The following BAG3 variants were observed in gnomAD, a reference collection of about 807,000 sequenced individuals.
The protein encoded by BAG3 is BAG cochaperone 3.
BAG3 carries 14 observed loss-of-function variants against 40.5 expected under a neutral mutation model. The ratio of observed to expected loss-of-function variants is 0.35; its 90% CI spans 0.23 to 0.54. The LOEUF (loss-of-function observed/expected upper bound fraction) is 0.54, where lower values mean the gene tolerates loss of function less well. BAG3 is among the 20% of genes least tolerant of loss of function. The pLI is 0.91. For missense variants in BAG3, 788 were observed against 758.6 expected (o/e 1.04, Z -0.46); for synonymous variants, 302 against 307.8 (o/e 0.98, Z 0.20).
intron 1 of BAG3, chr10:119,656,488 C>G (rs1846913440): frequency 6.7e-6 from 1 of 148,786 alleles, no homozygotes; most frequent in Non-Finnish European, 1.5e-5. Context: ...TCAAGCGATT[C>G]TCCTGCCTCA....
Position 119,651,442 on chromosome 10 carries a change from T to C in BAG3, c.-234T>C. The stretch of plus-strand genomic sequence containing the variant: ...GGACCAGAAGTTTCTAGCCGGCCAG[T>C]TGCTACCTCCCTTTATCTCCTCCTT... On this transcript the variant is annotated 5_prime_UTR_variant, in exon 1 of 4. Coordinates refer to ENST00000369085, the MANE Select transcript of BAG3 (RefSeq NM_004281.4). 1 of 408,664 alleles carries C rather than the reference T, an allele frequency of 2.4e-6. No homozygotes were observed. The highest frequency in any genetic ancestry group is 4.1e-5 in the East Asian group (1 of 24,262). The allele number at this position is 408,664 out of a possible 1,614,324, so 25.3% of individuals were successfully genotyped here. A position where few individuals can be genotyped will look rare whatever the true frequency, so the allele number is the denominator to read the frequency against.
chr10:119,664,003 C>T (rs1847026116), intron 1 of BAG3, among the ~76,000 whole-genome samples: 1 of 152,240 alleles, frequency 6.6e-6, no homozygotes, highest in Admixed American at 6.5e-5. Context: ...GCTGAGAAAA[C>T]GAAAGTTCAC....
chr10:119,659,980 T>C (rs897745372), intron 1 of BAG3, among the ~76,000 whole-genome samples: 7 of 152,152 alleles, frequency 4.6e-5, no homozygotes, highest in Non-Finnish European at 4.4e-5. Flanking sequence ...GCTAACTTCA[T>C]GTGACCTTGG....
Position 119,677,257 on chromosome 10 carries a change from C to A in BAG3, c.1703C>A (p.Thr568Asn). 4 of 1,614,092 alleles carry A rather than the reference C, an allele frequency of 2.5e-6. No homozygotes were observed. Among genetic ancestry groups the A allele is most frequent in the Non-Finnish European group, 3.4e-6 (4 of 1,180,040 alleles). Residue 568 changes from threonine (T) to asparagine (N), a missense_variant, in exon 4 of 4, where the codon ACC becomes AAC. Thr to Asn is a moderately conservative substitution (Grantham distance 65). Transcript: ENST00000369085. ...ATSNPSSMTD[T>N]PGNPAAP ...TCAAACCCCAGCAGCATGACAGACA[C>A]CCCTGGTAACCCAGCAGCACCGTAG... is the stretch of plus-strand genomic sequence containing the variant.
At chr10:119,654,004 A>T (rs73351946) in intron 1 of BAG3, among the ~76,000 whole-genome samples, 3,451 of 152,296 alleles carry the variant, frequency 0.023, 146 homozygotes, top group African/African-American at 0.08. Flanking sequence ...AGTTCCCTTT[A>T]CCAAGTGAAT....
At position 119,672,693 on chromosome 10, in the gene BAG3, G is replaced by T; in HGVS notation, c.909+37G>T. 1 of 1,606,852 alleles carries T rather than the reference G, an allele frequency of 6.2e-7. No homozygotes were observed. The highest frequency in any genetic ancestry group is 1.1e-5 in the South Asian group (1 of 91,022). On this transcript the variant is annotated intron_variant, in intron 3 of 3. Transcript: ENST00000369085. The surrounding 1 kb of genome is among the most constrained non-coding windows in gnomAD (Gnocchi z 4.8). ...TAGTCGTCAGCAGACTGGTTATGGT[G>T]GTATGTCTCCAGGGGTGCAGGAGCT...
chr10:119,669,528 T>C (rs1250855758), intron 1 of BAG3, among the ~76,000 whole-genome samples: 3 of 152,200 alleles, frequency 2.0e-5, no homozygotes, highest in East Asian at 1.9e-4. Context: ...AATGCGGGCA[T>C]GGGCAGCTCT....
At chr10:119,661,166 A>G (rs1407425143) in intron 1 of BAG3, among the ~76,000 whole-genome samples, 22 of 152,186 alleles carry the variant, frequency 1.4e-4, no homozygotes. Flanking sequence ...AGGCTGAGGC[A>G]TGAGAATTGC....
rs963964101 is a variant in BAG3 at position 119,651,521 on chromosome 10, C to T, written c.-155C>T. The T allele has an allele frequency of 6.6e-6, 4 of 610,598 alleles. No individual in the cohort carries two copies. Among genetic ancestry groups the T allele is most frequent in the Non-Finnish European group, 1.0e-5 (4 of 400,028 alleles). The allele number at this position is 610,598 out of a possible 1,614,324, so 37.8% of individuals were successfully genotyped here. ...AGACACTTCCACCCCTCTCTGGCCACGTCACCCCCGCCTTTAATTCATAAA... is the reference window on the plus strand; with the variant it reads ...AGACACTTCCACCCCTCTCTGGCCATGTCACCCCCGCCTTTAATTCATAAA... On this transcript the variant is annotated 5_prime_UTR_variant, in exon 1 of 4. In the 5' UTR this introduces an upstream ATG that the reference lacks. Transcript: ENST00000369085.
At chr10:119,656,998 G>C (rs566353483) in intron 1 of BAG3, among the ~76,000 whole-genome samples, 1 of 152,234 alleles carries the variant, frequency 6.6e-6, no homozygotes, top group East Asian at 1.9e-4. Flanking sequence ...AGACAGACTT[G>C]CCTTTAGCGG....
chr10:119,657,688 G>T (rs1384525630), intron 1 of BAG3: 1 of 457,844 alleles, frequency 2.2e-6, no homozygotes, highest in African/African-American at 2.0e-5. Context: ...CTGCACAAAG[G>T]ACTTCAGTAT....
chr10:119,667,268 T>C (rs1836282657), intron 1 of BAG3, among the ~76,000 whole-genome samples: 1 of 152,190 alleles, frequency 6.6e-6, no homozygotes, highest in South Asian at 2.1e-4. Context: ...TGAGCCACCG[T>C]GCCTGGCCCT....
rs2134050513 is a variant in BAG3, at chr10:119,651,727, G to A, written c.52G>A (p.Asp18Asn). 2.5e-6 allele frequency: 4 copies of A among 1,596,576 alleles called. No homozygotes were observed. Among genetic ancestry groups the A allele is most frequent in the Non-Finnish European group, 3.4e-6 (4 of 1,172,290 alleles). The change falls in exon 1 of 4, where the codon GAC becomes AAC. Residue 18 changes from aspartate (D) to asparagine (N), a missense_variant. By Grantham distance (23) the Asp-to-Asn change is conservative. Coordinates refer to ENST00000369085, the MANE Select transcript of BAG3 (RefSeq NM_004281.4). ...GATGCAGGTGGCGTCCGGCAACGGTGACCGCGACCCTTTGCCCCCCGGATG... is the reference window on the plus strand; with the variant it reads ...GATGCAGGTGGCGTCCGGCAACGGTAACCGCGACCCTTTGCCCCCCGGATG... Reference protein sequence around the residue: ...PMMQVASGNGDRDPLPPGWEI... With the variant: ...PMMQVASGNGNRDPLPPGWEI...
Position 119,672,769 on chromosome 10 carries a change from T to C in BAG3, c.909+113T>C. Reference sequence around the variant, plus strand: ...CATCCCTGCCTATTTAACATGCGTGTACCTACAGGCAAGTGAGATTCGAGA... The same window carrying C: ...CATCCCTGCCTATTTAACATGCGTGCACCTACAGGCAAGTGAGATTCGAGA... On this transcript the variant is annotated intron_variant, in intron 3 of 3. Coordinates refer to ENST00000369085, the MANE Select transcript of BAG3 (RefSeq NM_004281.4). The surrounding 1 kb of genome is among the most constrained non-coding windows in gnomAD (Gnocchi z 4.8). 1 of 1,446,262 alleles carries C rather than the reference T, an allele frequency of 6.9e-7. No individual in the cohort carries two copies. The highest frequency in any genetic ancestry group is 9.5e-7 in the Non-Finnish European group (1 of 1,051,862). 89.6% of individuals were successfully genotyped at this position (1,446,262 alleles called of 1,614,324 possible).
At chr10:119,675,761 T>TTCCCTCCTTCCC (rs1554877574) in intron 3 of BAG3, among the ~76,000 whole-genome samples, 4 of 81,198 alleles carry the variant, frequency 4.9e-5, no homozygotes, top group South Asian at 5.5e-4. Context: ...CTTTCCTTCC[T>TTCCCTCCTTCCC]TCCTTCCCTC....
intron 1 of BAG3, among the ~76,000 whole-genome samples, chr10:119,661,549 G>A (rs1184674466): frequency 6.6e-6 from 1 of 152,144 alleles, no homozygotes; most frequent in African/African-American, 2.4e-5. Flanking sequence ...GCAAAGAGAA[G>A]CAATGTTGGT....
At chr10:119,664,701 G>T (rs2134059609) in intron 1 of BAG3, among the ~76,000 whole-genome samples, 1 of 152,316 alleles carries the variant, frequency 6.6e-6, no homozygotes. Context: ...TCTGAGAGAT[G>T]CTGGTGTAAC....
At chr10:119,655,199 C>T (rs1283148514) in intron 1 of BAG3, among the ~76,000 whole-genome samples, 2 of 152,126 alleles carry the variant, frequency 1.3e-5, no homozygotes, top group Admixed American at 6.6e-5. Flanking sequence ...TCCCCAGGTA[C>T]GCGGGCTTCT....
At chr10:119,662,932 G>A (rs1443444737) in intron 1 of BAG3, among the ~76,000 whole-genome samples, 1 of 152,156 alleles carries the variant, frequency 6.6e-6, no homozygotes, top group Admixed American at 6.5e-5. Context: ...GGAGAGTGGC[G>A]TGAACGCGGG....
Sources: allele counts gnomAD v4.1 joint callset (sites outside exome capture counted in the v4.1 genomes callset), GRCh38; gene constraint gnomAD v4.1.1; non-coding constraint Gnocchi (gnomAD v3.1); transcripts MANE v1.5; gene names NCBI Gene and HGNC (gene_info 2026-07-23, HGNC 2026-07-21).